Variants in TMCO4 observed in about 807,000 individuals in gnomAD.
TMCO4 encodes transmembrane and coiled-coil domains 4.
In TMCO4, 58 loss-of-function variants were observed where a neutral mutation model predicts 64.7. The ratio of observed to expected loss-of-function variants is 0.90; its 90% CI spans 0.73 to 1.12. TMCO4 has a LOEUF of 1.12. TMCO4 is among the 50% of genes most tolerant of loss of function. The pLI is 0.00. For missense variants in TMCO4, 780 were observed against 825.9 expected (o/e 0.94, Z 0.68); for synonymous variants, 325 against 346.1 (o/e 0.94, Z 0.68).
chr1:19,762,208 G>A (rs1440657166), intron 6 of TMCO4, among the ~76,000 whole-genome samples: 1 of 152,172 alleles, frequency 6.6e-6, no homozygotes, highest in African/African-American at 2.4e-5. Context: ...GGACAATCTC[G>A]TTTGGCCAGC....
chr1:19,739,993 C>T lies in TMCO4; in HGVS notation c.1043-33G>A, dbSNP rs753916968. ...GGTGAGATAGTGATGAAGGGAATGGCCCCTGTCCTAGGGTCCTACTAGGGA... is the reference window on the plus strand; with the variant it reads ...GGTGAGATAGTGATGAAGGGAATGGTCCCTGTCCTAGGGTCCTACTAGGGA... On this transcript the variant is annotated intron_variant, in intron 11 of 15. Coordinates refer to ENST00000294543, the MANE Select transcript of TMCO4 (RefSeq NM_181719.7). 2.5e-6 allele frequency: 4 copies of T among 1,599,670 alleles called. No homozygotes were observed. In the South Asian group the frequency reaches 4.5e-5, roughly 18 times the overall value.
chr1:19,767,156 A>T (rs1354121425), intron 6 of TMCO4, among the ~76,000 whole-genome samples: 2 of 152,204 alleles, frequency 1.3e-5, no homozygotes, highest in African/African-American at 4.8e-5. Context: ...GACTAACAGC[A>T]GTTGTTTTAG....
chr1:19,746,449 A>G lies in TMCO4; in HGVS notation c.757+7T>C. Reference sequence around the variant, plus strand: ...CCTCTGAACCCATCATTCCTTTTGAACCTTACCTGTCAGGCCAGCTCCAGC... The same window carrying G: ...CCTCTGAACCCATCATTCCTTTTGAGCCTTACCTGTCAGGCCAGCTCCAGC... On this transcript the variant is annotated splice_region_variant and intron_variant, in intron 9 of 15. Coordinates refer to ENST00000294543, the MANE Select transcript of TMCO4 (RefSeq NM_181719.7). The G allele has an allele frequency of 6.2e-7, 1 of 1,613,052 alleles. No homozygotes were observed. The highest frequency in any genetic ancestry group is 1.3e-5 in the African/African-American group (1 of 75,020).
At position 19,771,301 on chromosome 1, in the gene TMCO4, G is replaced by C; in HGVS notation, c.354+7C>G. The C allele has an allele frequency of 6.2e-7, 1 of 1,612,858 alleles. No homozygotes were observed. ...CCCCAGCAGCCACCACCAGGTGTTGGGTGTACCTGAGTGATCACCGTCGGG... is the reference window on the plus strand; with the variant it reads ...CCCCAGCAGCCACCACCAGGTGTTGCGTGTACCTGAGTGATCACCGTCGGG... On this transcript the variant is annotated splice_region_variant and intron_variant, in intron 5 of 15. Coordinates refer to ENST00000294543, the MANE Select transcript of TMCO4 (RefSeq NM_181719.7).
At chr1:19,772,973 T>C (rs745958781) in intron 4 of TMCO4, among the ~76,000 whole-genome samples, 18 of 152,178 alleles carry the variant, frequency 1.2e-4, no homozygotes, top group Non-Finnish European at 2.5e-4. Context: ...GTGGATCACC[T>C]GAGGTCAGGA....
At position 19,694,349 on chromosome 1, in the gene TMCO4, G is replaced by A. The variant is rs2095220147; in HGVS notation, c.1500+85C>T. On this transcript the variant is annotated intron_variant, in intron 15 of 15. Coordinates refer to ENST00000294543, the MANE Select transcript of TMCO4 (RefSeq NM_181719.7). ...TCTCCTGTGGCGTGGACCAGGCTGG[G>A]GCCACTGTCTCCAGGGGACAGGGGT... The A allele has an allele frequency of 2.5e-6, 3 of 1,183,340 alleles. No individual in the cohort carries two copies. The Admixed American group carries it at 5.6e-5, about 22-fold the overall frequency. 73.3% of individuals were successfully genotyped at this position (1,183,340 alleles called of 1,614,324 possible). A position where few individuals can be genotyped will look rare whatever the true frequency, so the allele number is the denominator to read the frequency against.
chr1:19,771,904 C>T (rs1170337399), intron 4 of TMCO4, among the ~76,000 whole-genome samples: 14 of 152,118 alleles, frequency 9.2e-5, no homozygotes, highest in Non-Finnish European at 1.9e-4. Flanking sequence ...GTGATCCACC[C>T]GCCCCGGCCT....
chr1:19,735,249 T>C (rs1245807357), intron 13 of TMCO4, among the ~76,000 whole-genome samples: 1 of 152,144 alleles, frequency 6.6e-6, no homozygotes, highest in Non-Finnish European at 1.5e-5. Context: ...GGCCAGGAAT[T>C]CTCACATTCG....
At chr1:19,771,817 T>C (rs61768333) in intron 4 of TMCO4, among the ~76,000 whole-genome samples, 17,806 of 151,982 alleles carry the variant, frequency 0.12, 1,141 homozygotes, top group Non-Finnish European at 0.13. Flanking sequence ...CCACCACGCT[T>C]GGCTATTTTT....
intron 4 of TMCO4, among the ~76,000 whole-genome samples, chr1:19,777,247 G>C (rs1448306696): frequency 6.6e-6 from 1 of 151,964 alleles, no homozygotes; most frequent in East Asian, 1.9e-4. Flanking sequence ...TTCCTGCCTT[G>C]GGCCTTGTCC....
intron 2 of TMCO4, among the ~76,000 whole-genome samples, chr1:19,791,142 C>T (rs1289492603): frequency 6.6e-6 from 1 of 152,068 alleles, no homozygotes; most frequent in Non-Finnish European, 1.5e-5. Flanking sequence ...AGAACACACA[C>T]TGGGGCCTGT....
At chr1:19,747,585 A>G (rs1285049704) in intron 7 of TMCO4, among the ~76,000 whole-genome samples, 1 of 152,204 alleles carries the variant, frequency 6.6e-6, no homozygotes, top group Non-Finnish European at 1.5e-5. Flanking sequence ...ACCCAGAAGA[A>G]GCACAAAATA....
chr1:19,695,666 T>G (rs2095231434), intron 14 of TMCO4, among the ~76,000 whole-genome samples: 2 of 152,142 alleles, frequency 1.3e-5, no homozygotes, highest in South Asian at 4.1e-4. Context: ...CCCACCTGTC[T>G]GGGACACAGG....
intron 13 of TMCO4, among the ~76,000 whole-genome samples, chr1:19,711,327 G>C (rs1299207124): frequency 6.6e-6 from 1 of 152,308 alleles, no homozygotes; most frequent in East Asian, 1.9e-4. Context: ...GCTTTCCTTT[G>C]CATTCACAAT....
chr1:19,772,305 C>T (rs555527072), intron 4 of TMCO4, among the ~76,000 whole-genome samples: 81 of 152,288 alleles, frequency 5.3e-4, no homozygotes, highest in African/African-American at 1.6e-3. Context: ...CTGCCAAGGA[C>T]GTGCTTTCTG....
chr1:19,701,917 T>G (rs1452540743), intron 13 of TMCO4, among the ~76,000 whole-genome samples: 2 of 152,138 alleles, frequency 1.3e-5, no homozygotes, highest in Non-Finnish European at 2.9e-5. Context: ...TAAGGATCGC[T>G]TCAGCCCAGG....
At position 19,743,301 on chromosome 1, in the gene TMCO4, A is replaced by G. The variant is rs559602248; in HGVS notation, c.877+2231T>C. Among the ~76,000 whole-genome samples, 34 of 152,310 alleles carry G rather than the reference A, an allele frequency of 2.2e-4. No homozygotes were observed. In the South Asian group the frequency reaches 6.6e-3, roughly 30 times the overall value. ...AGTGAGGAGCTAAATGAGCCAGTGC[A>G]TAGGAAGGGCTTGGTGGTTGGCTAC... is the stretch of plus-strand genomic sequence containing the variant. On this transcript the variant is annotated intron_variant, in intron 10 of 15. Transcript: ENST00000294543. This position sits in a 1 kb window ranked among gnomAD's most constrained non-coding sequence, Gnocchi z 4.1.
rs139125852 is a variant in TMCO4 at position 19,759,216 on chromosome 1, C to A, written c.383-3450G>T. On this transcript the variant is annotated intron_variant, in intron 6 of 15. Coordinates refer to ENST00000294543, the MANE Select transcript of TMCO4 (RefSeq NM_181719.7). The stretch of plus-strand genomic sequence containing the variant: ...CCTGTCCCGACATGTAACCCAACAG[C>A]TGATGCTGACAGCTGCACCTGCAAA... Among the ~76,000 whole-genome samples the A allele has an allele frequency of 3.9e-5, 6 of 151,978 alleles. No homozygotes were observed. The East Asian group carries it at 9.7e-4, about 25-fold the overall frequency.
rs2095436265 is a variant in TMCO4, at chr1:19,732,921, T to C, written c.1264+4451A>G. Among the ~76,000 whole-genome samples, 2 of 152,088 alleles carry C rather than the reference T, an allele frequency of 1.3e-5. No individual in the cohort carries two copies. The highest frequency in any genetic ancestry group is 2.9e-5 in the Non-Finnish European group (2 of 68,022). On this transcript the variant is annotated intron_variant, in intron 13 of 15. Transcript: ENST00000294543. This position sits in a 1 kb window ranked among gnomAD's most constrained non-coding sequence, Gnocchi z 4.8. ...TTAAAATGTAGAGGTTTTCTTTTTTTCTTTCTTCTCGTTTTTCTTTTTTGC... is the reference window on the plus strand; with the variant it reads ...TTAAAATGTAGAGGTTTTCTTTTTTCCTTTCTTCTCGTTTTTCTTTTTTGC...
Sources: gnomAD v4.1 joint callset for allele counts (sites outside exome capture counted in the v4.1 genomes callset) on GRCh38, gnomAD v4.1.1 for gene constraint, Gnocchi (gnomAD v3.1) non-coding constraint, MANE v1.5 for transcripts, NCBI Gene and HGNC (gene_info 2026-07-23, HGNC 2026-07-21) for gene names.